Variants in MYO6 observed in about 807,000 individuals in gnomAD.
MYO6 encodes myosin VI, also known as unconventional myosin-VI.
MYO6 carries 74 observed loss-of-function variants against 178.7 expected under a neutral mutation model. That is an observed-to-expected ratio of 0.41 (90% confidence interval 0.34 to 0.50). The LOEUF (loss-of-function observed/expected upper bound fraction) is 0.50. MYO6 is among the 20% of genes least tolerant of loss of function. The pLI is 0.09. For synonymous variants in MYO6, 477 were observed against 504.6 expected (o/e 0.95, Z 0.73); for missense variants, 1,330 against 1,547.4 (o/e 0.86, Z 2.36).
At chr6:75,767,535 T>TG (rs1433181578) in intron 1 of MYO6, among the ~76,000 whole-genome samples, 1 of 150,642 alleles carries the variant, frequency 6.6e-6, no homozygotes, top group South Asian at 2.1e-4. Flanking sequence ...TTTTTTTTTT[T>TG]TTTTGAGGCA....
In MYO6 at chr6:75,907,590, G is replaced by A. The variant is rs1423095088; in HGVS notation, c.3177-15G>A. 5.7e-6 allele frequency: 9 copies of A among 1,590,060 alleles called. No individual in the cohort carries two copies. Among genetic ancestry groups the A allele is most frequent in the East Asian group, 2.2e-5 (1 of 44,742 alleles). On this transcript the variant is annotated splice_polypyrimidine_tract_variant and intron_variant, in intron 30 of 34. Coordinates refer to ENST00000369977, the MANE Select transcript of MYO6 (RefSeq NM_004999.4). ...GTTTCTGGTTTAAACATGCAAAAAT[G>A]TGTAATAATTACAGAGGTCCTGCTG...
At chr6:75,822,901 C>A in intron 3 of MYO6, 50 bp downstream of exon 3, 1 of 1,430,318 alleles carries the variant, frequency 7.0e-7, no homozygotes, top group Non-Finnish European at 9.9e-7. Flanking sequence ...GGAGACTGTT[C>A]TTTTAAAAAA....
chr6:75,838,165 G>T (rs1338550827), intron 7 of MYO6, among the ~76,000 whole-genome samples: 1 of 151,668 alleles, frequency 6.6e-6, no homozygotes, highest in African/African-American at 2.4e-5. Flanking sequence ...TGATAGCGCT[G>T]CTTCATCCTA....
chr6:75,766,102 C>T (rs900022383), intron 1 of MYO6, among the ~76,000 whole-genome samples: 3 of 152,176 alleles, frequency 2.0e-5, no homozygotes, highest in African/African-American at 7.2e-5. Flanking sequence ...GCGGGCAGAT[C>T]ACTTGAGGCC....
intron 29 of MYO6, among the ~76,000 whole-genome samples, chr6:75,895,719 T>C (rs1779249863): frequency 2.0e-5 from 3 of 152,038 alleles, no homozygotes; most frequent in African/African-American, 7.2e-5. Context: ...GGTTTCACCA[T>C]GTTGGCCAGG....
rs963942436 is a variant in MYO6 at position 75,837,751 on chromosome 6, T to C, written c.553+1795T>C. ...ATTTCCTAGTTTCATTTACAGTTTT[T>C]ATGTGGTGTTGTAACATACCCAGAT... On this transcript the variant is annotated intron_variant, in intron 7 of 34. Coordinates refer to ENST00000369977, the MANE Select transcript of MYO6 (RefSeq NM_004999.4). Among the ~76,000 whole-genome samples, 7 of 152,328 alleles carry C rather than the reference T, an allele frequency of 4.6e-5. No individual in the cohort carries two copies. In the South Asian group the frequency reaches 1.4e-3, roughly 32 times the overall value.
At chr6:75,791,150 G>A (rs907966657) in intron 1 of MYO6, among the ~76,000 whole-genome samples, 13 of 152,166 alleles carry the variant, frequency 8.5e-5, no homozygotes, top group Admixed American at 2.0e-4. Context: ...AGCCAGGATG[G>A]TCTTGATCTC....
intron 1 of MYO6, among the ~76,000 whole-genome samples, chr6:75,760,286 C>G (rs1366618420): frequency 2.0e-5 from 3 of 152,090 alleles, no homozygotes; most frequent in Admixed American, 6.6e-5. Context: ...AGTTTGTGCT[C>G]TTTATTTTGG....
chr6:75,913,240 G>C (rs1382900221), intron 33 of MYO6, among the ~76,000 whole-genome samples: 2 of 152,076 alleles, frequency 1.3e-5, no homozygotes, highest in African/African-American at 2.4e-5. Context: ...TACATTTGCA[G>C]ATAAAAGAAA....
chr6:75,798,469 T>C (rs1189647773), intron 1 of MYO6, among the ~76,000 whole-genome samples: 1 of 152,160 alleles, frequency 6.6e-6, no homozygotes, highest in Non-Finnish European at 1.5e-5. Context: ...GTTCAACATA[T>C]GCAAATCAAT....
intron 1 of MYO6, among the ~76,000 whole-genome samples, chr6:75,753,457 A>G (rs654953): frequency 0.13 from 8,989 of 68,466 alleles, 500 homozygotes; most frequent in African/African-American, 0.3. Flanking sequence ...GTGTGTGTGT[A>G]TATATATATA....
chr6:75,793,021 G>A (rs1351129820), intron 1 of MYO6, among the ~76,000 whole-genome samples: 3 of 151,762 alleles, frequency 2.0e-5, no homozygotes, highest in Non-Finnish European at 2.9e-5. Context: ...TGAACTCCTG[G>A]CCCCAAGTGA....
chr6:75,870,478 A>G (rs1777059885), intron 18 of MYO6, among the ~76,000 whole-genome samples, 169 bp from the exon 19 acceptor site: 2 of 152,222 alleles, frequency 1.3e-5, no homozygotes, highest in Non-Finnish European at 2.9e-5. Context: ...ATTTTGCATG[A>G]TGCTGTCTGT....
chr6:75,752,445 T>A (rs539691428), intron 1 of MYO6, among the ~76,000 whole-genome samples: 144 of 152,282 alleles, frequency 9.5e-4, no homozygotes, highest in African/African-American at 3.4e-3. Context: ...GTCTTGTCCT[T>A]TTACAGATGA....
At chr6:75,838,900 T>G (rs971356806) in intron 7 of MYO6, among the ~76,000 whole-genome samples, 19 of 152,116 alleles carry the variant, frequency 1.2e-4, no homozygotes, top group African/African-American at 4.1e-4. Context: ...GACCCCATGA[T>G]CCGCCCACCT....
At chr6:75,806,627 AAGG>A (rs1427571480) in intron 1 of MYO6, among the ~76,000 whole-genome samples, 1 of 152,224 alleles carries the variant, frequency 6.6e-6, no homozygotes, top group Non-Finnish European at 1.5e-5. Flanking sequence ...GAATGAGGGC[AAGG>A]AACACCTGGC....
At chr6:75,892,384 G>A in intron 27 of MYO6, 146 bp from the exon 28 acceptor site, 1 of 1,065,646 alleles carries the variant, frequency 9.4e-7, no homozygotes, top group East Asian at 2.4e-5. Context: ...AGAAAGTAGA[G>A]ACTGAAGAGA....
intron 25 of MYO6, among the ~76,000 whole-genome samples, chr6:75,889,375 G>A (rs1473062288): frequency 2.0e-5 from 3 of 152,108 alleles, no homozygotes; most frequent in Non-Finnish European, 2.9e-5. Context: ...TAAAATAGTA[G>A]TAAACTATTG....
intron 16 of MYO6, 137 bp from the exon 17 acceptor site, chr6:75,866,389 T>C (rs1368017430): frequency 1.5e-6 from 1 of 663,630 alleles, no homozygotes; most frequent in Non-Finnish European, 2.7e-6. Context: ...ACTCAATACA[T>C]AAAAGCAGTA....
Sources: gnomAD v4.1 joint callset for allele counts (sites outside exome capture counted in the v4.1 genomes callset) on GRCh38, gnomAD v4.1.1 for gene constraint, MANE v1.5 for transcripts, NCBI Gene and HGNC (gene_info 2026-07-23, HGNC 2026-07-21) for gene names.